Variants in MUC5AC observed in about 807,000 individuals in gnomAD.
The protein encoded by MUC5AC is mucin-5AC.
Under a neutral mutation model 169.7 loss-of-function variants are expected in MUC5AC, and 158 were observed. The ratio of observed to expected loss-of-function variants is 0.93; its 90% CI spans 0.82 to 1.06. MUC5AC has a LOEUF of 1.06. Ranked by LOEUF, MUC5AC falls within the 50% of genes least tolerant of loss-of-function variation. MUC5AC has a pLI of 0.00. For missense variants in MUC5AC, 4,359 were observed against 3,089.9 expected (o/e 1.41, Z -9.74); for synonymous variants, 1,975 against 1,237.0 (o/e 1.60, Z -12.52).
chr11:1,169,087 T>C (rs1237002345), intron 15 of MUC5AC, 61 bp downstream of exon 15: 7 of 1,483,124 alleles, frequency 4.7e-6, no homozygotes, highest in East Asian at 2.4e-5. Context: ...CCCGCTTCCA[T>C]TTGGCACTGC....
chr11:1,197,949 C>T lies in MUC5AC; in HGVS notation c.16080C>T (p.Gly5360=), dbSNP rs371526184. 43 of 736,886 alleles carry T rather than the reference C, an allele frequency of 5.8e-5. No homozygotes were observed. Among genetic ancestry groups the T allele is most frequent in the African/African-American group, 4.1e-4 (24 of 58,628 alleles). The allele number at this position is 736,886 out of a possible 1,614,324, so 45.6% of individuals were successfully genotyped here. A position where few individuals can be genotyped will look rare whatever the true frequency, so the allele number is the denominator to read the frequency against. Residue 5360 remains glycine, a synonymous_variant, in exon 42 of 49, where the codon GGC becomes GGT. Transcript: ENST00000621226. ...RCPAPVGCPE[G]ARAIPTYQEG... Reference sequence around the variant, plus strand: ...CCGCGCCCGTGGGCTGTCCTGAGGGCGCCCGCGCGATCCCGACCTACCAGG... The same window carrying T: ...CCGCGCCCGTGGGCTGTCCTGAGGGTGCCCGCGCGATCCCGACCTACCAGG...
rs891593509 is a variant in MUC5AC at position 1,195,045 on chromosome 11, G to A, written c.15224G>A (p.Arg5075His). 1.3e-5 allele frequency: 10 copies of A among 749,610 alleles called. No individual in the cohort carries two copies. The highest frequency in any genetic ancestry group is 5.1e-5 in the African/African-American group (3 of 58,790). 46.4% of individuals were successfully genotyped at this position (749,610 alleles called of 1,614,324 possible). A position where few individuals can be genotyped will look rare whatever the true frequency, so the allele number is the denominator to read the frequency against. ...ACCAACGACAGGAAGGATGAGTGCC[G>A]CACGCCTAGGGGGACGGTGGTCGCT... is the stretch of plus-strand genomic sequence containing the variant. ...TCTNDRKDECRTPRGTVVASC... is the reference protein window; with the variant it reads ...TCTNDRKDECHTPRGTVVASC... The change falls in exon 36 of 49, where the codon CGC becomes CAC. Residue 5075 changes from arginine (R) to histidine (H), a missense_variant. Physicochemically the swap from Arg to His is conservative, Grantham distance 29. Transcript: ENST00000621226.
chr11:1,192,372 C>A lies in MUC5AC; in HGVS notation c.14227C>A (p.Pro4743Thr), dbSNP rs773599532. 2.6e-6 allele frequency: 2 copies of A among 765,110 alleles called. No homozygotes were observed. Among genetic ancestry groups the A allele is most frequent in the Non-Finnish European group, 4.8e-6 (2 of 417,898 alleles). 47.4% of individuals were successfully genotyped at this position (765,110 alleles called of 1,614,324 possible). ...VTSVTPYGTS[P>T]TNALYPSLST... ...CTCTGTGACCCCATATGGGACTTCTCCTACCAATGCTCTGTATCCTTCCCT... is the reference window on the plus strand; with the variant it reads ...CTCTGTGACCCCATATGGGACTTCTACTACCAATGCTCTGTATCCTTCCCT... The change falls in exon 31 of 49, where the codon CCT becomes ACT. Residue 4743 changes from proline (P) to threonine (T), a missense_variant. Coordinates refer to ENST00000621226, the MANE Select transcript of MUC5AC (RefSeq NM_001304359.2).
At chr11:1,169,048 C>T (rs1860418216) in intron 15 of MUC5AC, 22 bp downstream of exon 15, 1 of 1,535,138 alleles carries the variant, frequency 6.5e-7, no homozygotes, top group Non-Finnish European at 8.8e-7. Context: ...CACGGCTCGC[C>T]TCTGTGCTGG....
Position 1,199,461 on chromosome 11 carries a change from A to G in MUC5AC, c.16486A>G (p.Lys5496Glu), listed in dbSNP as rs1241314463. ...QDGLVVVTTK[K>E]ACPPLSCSLD... The stretch of plus-strand genomic sequence containing the variant: ...TGGGCTCGTGGTGGTCACCACGAAG[A>G]AGGCGTGCCCCCCGCTCAGCTGTTC... Residue 5496 changes from lysine to glutamate, a missense_variant, in exon 46 of 49, where the codon AAG becomes GAG. Transcript: ENST00000621226. 1.4e-6 allele frequency: 1 copy of G among 723,746 alleles called. No individual in the cohort carries two copies. The highest frequency in any genetic ancestry group is 2.5e-6 in the Non-Finnish European group (1 of 396,886). 44.8% of individuals were successfully genotyped at this position (723,746 alleles called of 1,614,324 possible).
chr11:1,199,042 G>A (rs1265732186), intron 44 of MUC5AC, 45 bp from the exon 45 acceptor site: 1 of 762,914 alleles, frequency 1.3e-6, no homozygotes, highest in Middle Eastern at 2.3e-4. Flanking sequence ...CTCTTGGGGG[G>A]CAGCGGTCGC....
chr11:1,197,396 T>C (rs1376802516), intron 40 of MUC5AC, 72 bp from the exon 41 acceptor site: 1 of 682,034 alleles, frequency 1.5e-6, no homozygotes, highest in African/African-American at 1.8e-5. Context: ...CGGCACTGCA[T>C]GAGCCGGGGT....
At position 1,190,627 on chromosome 11, in the gene MUC5AC, C is replaced by T. The variant is rs1861065534; in HGVS notation, c.12482C>T (p.Thr4161Ile). The T allele has an allele frequency of 5.7e-6, 4 of 695,806 alleles. No homozygotes were observed. Among genetic ancestry groups the T allele is most frequent in the Non-Finnish European group, 1.0e-5 (4 of 381,424 alleles). 43.1% of individuals were successfully genotyped at this position (695,806 alleles called of 1,614,324 possible). ...ACAACCTTGGCTCCTACAACCAGCA[C>T]AACCTCTGCTCCAACAACCAGCACA... The part of the protein sequence containing the change: ...TSTTLAPTTS[T>I]TSAPTTSTNS... Residue 4161 changes from threonine to isoleucine, a missense_variant, in exon 31 of 49, where the codon ACA becomes ATA. Physicochemically the swap from Thr to Ile is moderately conservative, Grantham distance 89. Coordinates refer to ENST00000621226, the MANE Select transcript of MUC5AC (RefSeq NM_001304359.2).
At position 1,188,317 on chromosome 11, in the gene MUC5AC, C is replaced by T. The variant is rs1460337536; in HGVS notation, c.10172C>T (p.Thr3391Ile). Residue 3391 changes from threonine (T) to isoleucine (I), a missense_variant, in exon 31 of 49, where the codon ACT becomes ATT. Thr to Ile is a moderately conservative substitution (Grantham distance 89, BLOSUM62 -1). Transcript: ENST00000621226. ...ACCTCTGCTCCCACAACCAGCACAA[C>T]TTCTGCCCCTACAACCAGCACAACC... ...STTSAPTTST[T>I]SAPTTSTTST... 43 of 693,904 alleles carry T rather than the reference C, an allele frequency of 6.2e-5. No individual in the cohort carries two copies. The African/African-American group carries it at 7.0e-4, about 11-fold the overall frequency. 43.0% of individuals were successfully genotyped at this position (693,904 alleles called of 1,614,324 possible). A position where few individuals can be genotyped will look rare whatever the true frequency, so the allele number is the denominator to read the frequency against.
Position 1,189,781 on chromosome 11 carries a change from C to A in MUC5AC, c.11636C>A (p.Thr3879Lys). The change falls in exon 31 of 49, where the codon ACA becomes AAA. Residue 3879 changes from threonine (T) to lysine (K), a missense_variant. Physicochemically the swap from Thr to Lys is moderately conservative, Grantham distance 78 (BLOSUM62 -1). Transcript: ENST00000621226. ...ACAATCTCTGCCCCTACAACCAGCA[C>A]AACCTCTTTCCATACAACCAGCACA... ...ASTISAPTTS[T>K]TSFHTTSTTS... is the part of the protein sequence containing the mutation. 1 of 699,418 alleles carries A rather than the reference C, an allele frequency of 1.4e-6. No homozygotes were observed. Among genetic ancestry groups the A allele is most frequent in the South Asian group, 1.5e-5 (1 of 65,174 alleles). 43.3% of individuals were successfully genotyped at this position (699,418 alleles called of 1,614,324 possible).
At position 1,186,058 on chromosome 11, in the gene MUC5AC, C is replaced by T. The variant is rs1176325618; in HGVS notation, c.7913C>T (p.Pro2638Leu). The T allele has an allele frequency of 3.4e-5, 25 of 740,988 alleles. 1 individual carries two copies. Among genetic ancestry groups the T allele is most frequent in the Admixed American group, 1.4e-4 (8 of 55,182 alleles). 45.9% of individuals were successfully genotyped at this position (740,988 alleles called of 1,614,324 possible). A position where few individuals can be genotyped will look rare whatever the true frequency, so the allele number is the denominator to read the frequency against. ...TCTGGTCCTGAAACTACTCCCAGCC[C>T]TGTTCCTACCGCCAGCACAACCTCT... Reference protein sequence around the residue: ...RISGPETTPSPVPTASTTSAS... With the variant: ...RISGPETTPSLVPTASTTSAS... Residue 2638 changes from proline (P) to leucine (L), a missense_variant, in exon 31 of 49, where the codon CCT (proline) becomes CTT (leucine). Coordinates refer to ENST00000621226, the MANE Select transcript of MUC5AC (RefSeq NM_001304359.2).
At chr11:1,173,494 C>T (rs921998319) in intron 16 of MUC5AC, among the ~76,000 whole-genome samples, 37 of 151,296 alleles carry the variant, frequency 2.4e-4, no homozygotes, top group Non-Finnish European at 5.2e-4. Context: ...TCCACTCACT[C>T]GCTCATTCCC....
intron 9 of MUC5AC, among the ~76,000 whole-genome samples, chr11:1,164,820 C>A (rs28396235): frequency 2.7e-5 from 4 of 147,294 alleles, no homozygotes; most frequent in South Asian, 4.3e-4. Context: ...CTGGCTGAGG[C>A]CCCTGTCCTG....
chr11:1,188,939 C>T lies in MUC5AC; in HGVS notation c.10794C>T (p.Asn3598=). The T allele has an allele frequency of 2.7e-6, 2 of 742,248 alleles. No individual in the cohort carries two copies. The highest frequency in any genetic ancestry group is 1.4e-5 in the South Asian group (1 of 70,814). The allele number at this position is 742,248 out of a possible 1,614,324, so 46.0% of individuals were successfully genotyped here. Residue 3598 remains asparagine, a synonymous_variant, in exon 31 of 49, where the codon AAC becomes AAT. Coordinates refer to ENST00000621226, the MANE Select transcript of MUC5AC (RefSeq NM_001304359.2). ...GCGAAGAGGGCCTGGTGTGCCGGAA[C>T]CAGGACCAGCAGGGACCCTTCAAGA... The part of the protein sequence containing the change: ...CSREEGLVCR[N]QDQQGPFKMC...
intron 1 of MUC5AC, among the ~76,000 whole-genome samples, chr11:1,159,578 C>G (rs1475862853): frequency 9.1e-5 from 1 of 10,996 alleles, no homozygotes; most frequent in African/African-American, 2.6e-4. Flanking sequence ...CGGGGCTGTG[C>G]GGGGCTGTGC....
rs1260875221 is a variant in MUC5AC at position 1,188,909 on chromosome 11, C to T, written c.10764C>T (p.Cys3588=). 6 of 760,786 alleles carry T rather than the reference C, an allele frequency of 7.9e-6. No individual in the cohort carries two copies. The highest frequency in any genetic ancestry group is 2.4e-5 in the East Asian group (1 of 41,232). 47.1% of individuals were successfully genotyped at this position (760,786 alleles called of 1,614,324 possible). ...SIEHLGQVVQ[C]SREEGLVCRN... The stretch of plus-strand genomic sequence containing the variant: ...AACACCTGGGCCAGGTGGTGCAGTG[C>T]AGCCGCGAAGAGGGCCTGGTGTGCC... Residue 3588 remains cysteine, a synonymous_variant, in exon 31 of 49, where the codon TGC becomes TGT. Transcript: ENST00000621226.
chr11:1,192,142 G>C lies in MUC5AC; in HGVS notation c.13997G>C (p.Arg4666Pro), dbSNP rs748424415. ...NIIRSGEKIC[R>P]RPEEITRLQC... ...ATCAGGAGTGGGGAAAAAATCTGCC[G>C]CCGACCTGAGGAGATCACCAGGCTC... is the stretch of plus-strand genomic sequence containing the variant. The change falls in exon 31 of 49, where the codon CGC (arginine) becomes CCC (proline). Residue 4666 changes from arginine to proline, a missense_variant. Coordinates refer to ENST00000621226, the MANE Select transcript of MUC5AC (RefSeq NM_001304359.2). 1.3e-6 allele frequency: 1 copy of C among 764,922 alleles called. No homozygotes were observed. Among genetic ancestry groups the C allele is most frequent in the Non-Finnish European group, 2.4e-6 (1 of 417,888 alleles). 47.4% of individuals were successfully genotyped at this position (764,922 alleles called of 1,614,324 possible). A position where few individuals can be genotyped will look rare whatever the true frequency, so the allele number is the denominator to read the frequency against.
Position 1,192,075 on chromosome 11 carries a change from C to T in MUC5AC, c.13930C>T (p.Pro4644Ser), listed in dbSNP as rs1488216947. The stretch of plus-strand genomic sequence containing the variant: ...GTGGTTCGACGTGGACTTCCCATCC[C>T]CTGGACCCCACGGCGGGGACAAGGA... ...TKWFDVDFPS[P>S]GPHGGDKETY... The change falls in exon 31 of 49, where the codon CCT becomes TCT. Residue 4644 changes from proline to serine, a missense_variant. By Grantham distance (74) the Pro-to-Ser change is moderately conservative. Transcript: ENST00000621226. 1.3e-6 allele frequency: 1 copy of T among 765,122 alleles called. No individual in the cohort carries two copies. Among genetic ancestry groups the T allele is most frequent in the Admixed American group, 1.7e-5 (1 of 59,036 alleles). 47.4% of individuals were successfully genotyped at this position (765,122 alleles called of 1,614,324 possible).
chr11:1,164,084 C>T (rs775927651), intron 7 of MUC5AC, 22 bp from the exon 8 acceptor site: 31 of 1,610,882 alleles, frequency 1.9e-5, no homozygotes, highest in South Asian at 4.4e-5. Context: ...AGGACTCAGA[C>T]GGGCTGTGGC....
Sources: gnomAD v4.1 joint callset for allele counts (sites outside exome capture counted in the v4.1 genomes callset) on GRCh38, gnomAD v4.1.1 for gene constraint, MANE v1.5 for transcripts, NCBI Gene and HGNC (gene_info 2026-07-23, HGNC 2026-07-21) for gene names.